TTBK2: variants seen among roughly 807,000 people sequenced by gnomAD.
TTBK2 encodes tau-tubulin kinase 2.
A neutral mutation model predicts 110.8 loss-of-function variants in TTBK2; 28 were observed. The observed-to-expected ratio is 0.25, with a 90% CI of 0.19 to 0.35. The LOEUF (loss-of-function observed/expected upper bound fraction) is 0.35, where lower values mean the gene tolerates loss of function less well. TTBK2 is among the 10% of genes least tolerant of loss of function. TTBK2 has a pLI of 1.00. For synonymous variants in TTBK2, 532 were observed against 527.3 expected, an observed-to-expected ratio of 1.01 and a Z score of -0.12; for missense variants, 1,369 against 1,500.3, an observed-to-expected ratio of 0.91 and a Z score of 1.45.
rs749624771 is a variant in TTBK2 at position 42,777,132 on chromosome 15, A to G, written c.1308T>C (p.Asp436=). 1 of 1,614,222 alleles carries G rather than the reference A, an allele frequency of 6.2e-7. No individual in the cohort carries two copies. Among genetic ancestry groups the G allele is most frequent in the Admixed American group, 1.7e-5 (1 of 60,030 alleles). Residue 436 remains aspartate (D), a synonymous_variant, in exon 12 of 15, where the codon GAT becomes GAC. Coordinates refer to ENST00000267890, the MANE Select transcript of TTBK2 (RefSeq NM_173500.4). ...AACGTAACTTTCGCACCAGTGGAAT[A>G]TCTCTGTCTGGCTGAGTAATCTCTG... ...VRSEITQPDR[D]IPLVRKLRSI... is the part of the protein sequence containing the mutation.
chr15:42,909,270 A>G (rs1441705616), intron 1 of TTBK2, among the ~76,000 whole-genome samples: 1 of 152,226 alleles, frequency 6.6e-6, no homozygotes, highest in Non-Finnish European at 1.5e-5. Context: ...CCTTCCAAAT[A>G]GCTGGGAATA....
Position 42,817,071 on chromosome 15 carries a change from C to G in TTBK2, c.564G>C (p.Gly188=). 1 of 1,608,476 alleles carries G rather than the reference C, an allele frequency of 6.2e-7. No homozygotes were observed. The highest frequency in any genetic ancestry group is 2.2e-5 in the East Asian group (1 of 44,538). Residue 188 remains glycine, a synonymous_variant, in exon 7 of 15, where the codon GGG becomes GGC. Coordinates refer to ENST00000267890, the MANE Select transcript of TTBK2 (RefSeq NM_173500.4). ...CGTTGATTGATGCATAACGAACTGT[C>G]CCTCGAAAACCTGCCACAGCTCGAG... ...RPPRAVAGFR[G]TVRYASINAH...
chr15:42,770,956 CTATT>C, intron 13 of TTBK2, among the ~76,000 whole-genome samples: 1 of 151,192 alleles, frequency 6.6e-6, no homozygotes, highest in Non-Finnish European at 1.5e-5. Context: ...CCACATGGAA[CTATT>C]TCTTTTTTTT....
At chr15:42,879,300 G>A (rs1455518111) in intron 1 of TTBK2, among the ~76,000 whole-genome samples, 8 of 152,154 alleles carry the variant, frequency 5.3e-5, no homozygotes, top group Non-Finnish European at 7.3e-5. Flanking sequence ...CTGATACAGA[G>A]TGACTTTCAA....
At position 42,799,141 on chromosome 15, in the gene TTBK2, G is replaced by A. The variant is rs929595191; in HGVS notation, c.823-4340C>T. Among the ~76,000 whole-genome samples the A allele has an allele frequency of 5.9e-5, 9 of 152,056 alleles. No individual in the cohort carries two copies. In the East Asian group the frequency reaches 1.2e-3, roughly 20 times the overall value. ...TTCTAGCACTTTGGGAGGCCAAGGC[G>A]AGCGGATCACGAGGTCAGGAGATCG... On this transcript the variant is annotated intron_variant, in intron 9 of 14. Coordinates refer to ENST00000267890, the MANE Select transcript of TTBK2 (RefSeq NM_173500.4).
chr15:42,904,766 CATA>C (rs1450245340), intron 1 of TTBK2, among the ~76,000 whole-genome samples: 4 of 152,138 alleles, frequency 2.6e-5, no homozygotes, highest in Non-Finnish European at 5.9e-5. Flanking sequence ...AGACCCATAT[CATA>C]ATGATTATCC....
intron 1 of TTBK2, among the ~76,000 whole-genome samples, chr15:42,879,046 T>C (rs937066171): frequency 1.3e-5 from 2 of 152,224 alleles, no homozygotes; most frequent in Non-Finnish European, 2.9e-5. Flanking sequence ...AATTTACAAC[T>C]GCTTATAGTT....
At chr15:42,789,861 A>ACACACACACACACACACACG (rs1890575836) in intron 10 of TTBK2, among the ~76,000 whole-genome samples, 1 of 151,944 alleles carries the variant, frequency 6.6e-6, no homozygotes, top group South Asian at 2.1e-4. Flanking sequence ...CAATACACAC[A>ACACACACACACACACACACG]CACACACACA....
rs1393860735 is a variant in TTBK2 at position 42,815,954 on chromosome 15, A to ATATATATATAT, written c.603+1077_603+1078insATATATATATA. On this transcript the variant is annotated intron_variant, in intron 7 of 14. Coordinates refer to ENST00000267890, the MANE Select transcript of TTBK2 (RefSeq NM_173500.4). Reference sequence around the variant, plus strand: ...AAAATATATATATATATATTTAAAAAAAAAATATATATATATATATATATT... The same window carrying ATATATATATAT: ...AAAATATATATATATATATTTAAAAATATATATATATAAAAATATATATATATATATATATT... Among the ~76,000 whole-genome samples, 38 of 53,388 alleles carry ATATATATATAT rather than the reference A, an allele frequency of 7.1e-4. 1 individual carries two copies. The highest frequency in any genetic ancestry group is 4.5e-3 in the South Asian group (5 of 1,108). 35.0% of individuals were successfully genotyped at this position (53,388 alleles called of 152,430 possible).
intron 12 of TTBK2, 197 bp downstream of exon 12, chr15:42,776,834 A>AT: frequency 6.3e-6 from 4 of 630,480 alleles, no homozygotes; most frequent in Non-Finnish European, 1.1e-5. Context: ...AGAATTTATA[A>AT]TAATTAAGAA....
At chr15:42,913,129 C>G (rs1214813530) in intron 1 of TTBK2, among the ~76,000 whole-genome samples, 3 of 84,302 alleles carry the variant, frequency 3.6e-5, no homozygotes, top group African/African-American at 1.9e-4. Flanking sequence ...GAGACTCCGT[C>G]TCAAAAAAAA....
chr15:42,894,803 G>A (rs548678546), intron 1 of TTBK2, among the ~76,000 whole-genome samples: 1 of 152,130 alleles, frequency 6.6e-6, no homozygotes, highest in African/African-American at 2.4e-5. Context: ...ACACAAACAT[G>A]AAAATTCCTC....
chr15:42,845,904 T>C (rs1243161294), intron 3 of TTBK2, among the ~76,000 whole-genome samples: 1 of 152,164 alleles, frequency 6.6e-6, no homozygotes, highest in Non-Finnish European at 1.5e-5. Context: ...TTGCATACTA[T>C]AGACAGTTAT....
At position 42,741,782 on chromosome 15, in the gene TTBK2, C is replaced by T. The variant is rs184062279; in HGVS notation, c.*4013G>A. ...ATTTTCAAACAGCCAGGGGAAAATGCATTTTTTTCACCGAGTCTCACTAAA... is the reference window on the plus strand; with the variant it reads ...ATTTTCAAACAGCCAGGGGAAAATGTATTTTTTTCACCGAGTCTCACTAAA... On this transcript the variant is annotated 3_prime_UTR_variant, in exon 15 of 15. Coordinates refer to ENST00000267890, the MANE Select transcript of TTBK2 (RefSeq NM_173500.4). 7.2e-5 allele frequency: 11 copies of T among 152,262 alleles called. No individual in the cohort carries two copies. The highest frequency in any genetic ancestry group is 2.4e-4 in the African/African-American group (10 of 41,552). The allele number at this position is 152,262 out of a possible 1,614,324, so 9.4% of individuals were successfully genotyped here. A position where few individuals can be genotyped will look rare whatever the true frequency, so the allele number is the denominator to read the frequency against.
intron 2 of TTBK2, among the ~76,000 whole-genome samples, chr15:42,874,302 AT>A (rs983203822): frequency 1.3e-5 from 2 of 151,712 alleles, no homozygotes; most frequent in African/African-American, 2.4e-5. Flanking sequence ...ATCCTTCTTT[AT>A]TTTTTTATTT....
At chr15:42,761,393 C>T (rs908959852) in intron 13 of TTBK2, among the ~76,000 whole-genome samples, 3 of 151,078 alleles carry the variant, frequency 2.0e-5, no homozygotes, top group African/African-American at 7.3e-5. Context: ...AGATAACCTA[C>T]AAAATGGGAG....
intron 6 of TTBK2, 51 bp downstream of exon 6, chr15:42,827,877 T>TA (rs1243718994): frequency 6.8e-7 from 1 of 1,462,324 alleles, no homozygotes; most frequent in Non-Finnish European, 9.6e-7. Context: ...TGTGATACTA[T>TA]AAATACCAGG....
rs1256399173 is a variant in TTBK2 at position 42,815,956 on chromosome 15, A to ATAT, written c.603+1075_603+1076insATA. On this transcript the variant is annotated intron_variant, in intron 7 of 14. Coordinates refer to ENST00000267890, the MANE Select transcript of TTBK2 (RefSeq NM_173500.4). ...AATATATATATATATATTTAAAAAA[A>ATAT]AAATATATATATATATATATATTTG... Among the ~76,000 whole-genome samples, 555 of 63,940 alleles carry ATAT rather than the reference A, an allele frequency of 8.7e-3. 18 individuals are homozygous for ATAT. Among genetic ancestry groups the ATAT allele is most frequent in the African/African-American group, 0.03 (316 of 10,672 alleles). The allele number at this position is 63,940 out of a possible 152,430, so 41.9% of individuals were successfully genotyped here.
At chr15:42,834,600 A>G (rs972701687) in intron 4 of TTBK2, among the ~76,000 whole-genome samples, 4 of 152,206 alleles carry the variant, frequency 2.6e-5, no homozygotes, top group Non-Finnish European at 4.4e-5. Flanking sequence ...AAGCCCCTGT[A>G]GCAAAAGATG....
Sources: gnomAD v4.1 joint callset for allele counts (sites outside exome capture counted in the v4.1 genomes callset) on GRCh38, gnomAD v4.1.1 for gene constraint, MANE v1.5 for transcripts, NCBI Gene and HGNC (gene_info 2026-07-23, HGNC 2026-07-21) for gene names.